Variants in NRXN3 observed in about 807,000 individuals in gnomAD.
NRXN3 encodes the protein neurexin III.
Under a neutral mutation model 137.6 loss-of-function variants are expected in NRXN3, and 32 were observed. The ratio of observed to expected loss-of-function variants is 0.23; its 90% CI spans 0.18 to 0.31. The LOEUF (loss-of-function observed/expected upper bound fraction) is 0.31. NRXN3 is among the 10% of genes least tolerant of loss of function. The pLI, the probability that NRXN3 is intolerant of heterozygous loss-of-function variation, is 1.00. For synonymous variants in NRXN3, 798 were observed against 784.5 expected (o/e 1.02, Z -0.29); for missense variants, 1,574 against 2,062.5 (o/e 0.76, Z 4.59).
intron 6 of NRXN3, among the ~76,000 whole-genome samples, chr14:78,680,166 G>A (rs938593684): frequency 3.9e-5 from 6 of 152,058 alleles, no homozygotes; most frequent in African/African-American, 1.4e-4. Context: ...ATTTATAAGT[G>A]GGAGCTAAAT....
chr14:79,014,797 T>G (rs2099576578), intron 15 of NRXN3, among the ~76,000 whole-genome samples: 1 of 152,172 alleles, frequency 6.6e-6, no homozygotes, highest in African/African-American at 2.4e-5. Context: ...GTTCCTTCAA[T>G]CTTTGAAGTT....
intron 4 of NRXN3, among the ~76,000 whole-genome samples, chr14:78,315,814 T>C (rs2078644473): frequency 6.6e-6 from 1 of 152,088 alleles, no homozygotes; most frequent in African/African-American, 2.4e-5. Flanking sequence ...GATAATTTTC[T>C]TGTTGCATTA....
At chr14:78,684,593 T>C (rs2098109139) in intron 6 of NRXN3, among the ~76,000 whole-genome samples, 1 of 151,716 alleles carries the variant, frequency 6.6e-6, no homozygotes, top group Non-Finnish European at 1.5e-5. Flanking sequence ...TCACTCAAGG[T>C]CAGGAGTTCA....
At chr14:79,208,542 C>G (rs2067139960) in intron 15 of NRXN3, among the ~76,000 whole-genome samples, 1 of 152,110 alleles carries the variant, frequency 6.6e-6, no homozygotes, top group Non-Finnish European at 1.5e-5. Flanking sequence ...TAATATTCAT[C>G]TAAACTTTTA....
chr14:78,436,857 A>C (rs534277491), intron 4 of NRXN3, among the ~76,000 whole-genome samples: 25 of 152,280 alleles, frequency 1.6e-4, no homozygotes, highest in African/African-American at 6.0e-4. Flanking sequence ...TTTAGCTCTT[A>C]TGTGCAGGGC....
In NRXN3 at chr14:79,489,240, T is replaced by C. The variant is rs75136437; in HGVS notation, c.3444+21838T>C. Among the ~76,000 whole-genome samples the C allele has an allele frequency of 5.0e-4, 76 of 152,276 alleles. 1 individual carries two copies. The highest frequency in any genetic ancestry group is 1.7e-3 in the African/African-American group (71 of 41,554). On this transcript the variant is annotated intron_variant, in intron 16 of 20. Transcript: ENST00000335750. ...CTTTACAGGTGTCTACACCTTTTTC[T>C]CTCCAAGGCATGTCTTCAGCCTCAG...
At chr14:78,976,340 T>A (rs2099466143) in intron 14 of NRXN3, among the ~76,000 whole-genome samples, 1 of 152,168 alleles carries the variant, frequency 6.6e-6, no homozygotes, top group African/African-American at 2.4e-5. Context: ...TCTGCCCAGA[T>A]GGTGAACACG....
rs79209644 is a variant in NRXN3, at chr14:78,942,227, T to C, written c.2276-15015T>C. On this transcript the variant is annotated intron_variant, in intron 10 of 20. Transcript: ENST00000335750. Reference sequence around the variant, plus strand: ...TTCAAACCTGCCAAGTACTTCACTTTCTTTCTCTCTACCAACCTGCTTCTT... The same window carrying C: ...TTCAAACCTGCCAAGTACTTCACTTCCTTTCTCTCTACCAACCTGCTTCTT... Among the ~76,000 whole-genome samples, 194 of 152,332 alleles carry C rather than the reference T, an allele frequency of 1.3e-3. 4 individuals carry two copies. The East Asian group carries it at 0.026, about 21-fold the overall frequency.
intron 4 of NRXN3, among the ~76,000 whole-genome samples, chr14:78,388,981 T>C (rs1427924040): frequency 6.6e-6 from 1 of 152,074 alleles, no homozygotes; most frequent in East Asian, 1.9e-4. Context: ...AGTACATAAA[T>C]CTTTGTTTTG....
chr14:78,904,624 CAGG>C (rs1339136372), intron 10 of NRXN3, among the ~76,000 whole-genome samples: 1 of 152,052 alleles, frequency 6.6e-6, no homozygotes, highest in Non-Finnish European at 1.5e-5. Flanking sequence ...TTTCAACTCT[CAGG>C]AGGCCATTTT....
At chr14:78,631,696 C>T (rs1180329412) in intron 4 of NRXN3, among the ~76,000 whole-genome samples, 1 of 152,132 alleles carries the variant, frequency 6.6e-6, no homozygotes, top group Non-Finnish European at 1.5e-5. Context: ...TTGCACAATC[C>T]CTGAGCATAT....
chr14:79,090,106 G>A (rs2048881143), intron 15 of NRXN3, among the ~76,000 whole-genome samples: 1 of 152,106 alleles, frequency 6.6e-6, no homozygotes, highest in African/African-American at 2.4e-5. Flanking sequence ...AGGACTGACT[G>A]TACTGTAACT....
At chr14:79,306,658 G>A (rs893397200) in intron 15 of NRXN3, among the ~76,000 whole-genome samples, 2 of 152,146 alleles carry the variant, frequency 1.3e-5, no homozygotes, top group South Asian at 4.1e-4. Context: ...GCTTTCTGAG[G>A]TCTCCAAGAT....
intron 4 of NRXN3, among the ~76,000 whole-genome samples, chr14:78,388,915 ATATT>A (rs1359152751): frequency 2.0e-5 from 3 of 151,968 alleles, no homozygotes; most frequent in Admixed American, 1.3e-4. Flanking sequence ...TTTTTTATAT[ATATT>A]CAACTTATTT....
At chr14:78,474,713 C>G (rs1396204145) in intron 4 of NRXN3, among the ~76,000 whole-genome samples, 3 of 152,144 alleles carry the variant, frequency 2.0e-5, no homozygotes, top group Non-Finnish European at 4.4e-5. Flanking sequence ...GTAGAAAGTT[C>G]CCTACCATAA....
At chr14:79,306,271 T>G (rs1031205034) in intron 15 of NRXN3, among the ~76,000 whole-genome samples, 1 of 152,086 alleles carries the variant, frequency 6.6e-6, no homozygotes, top group Non-Finnish European at 1.5e-5. Context: ...TCATTCCCCC[T>G]GAAGACAACG....
intron 19 of NRXN3, among the ~76,000 whole-genome samples, chr14:79,749,425 G>A (rs1245915449): frequency 1.6e-5 from 2 of 128,660 alleles, no homozygotes; most frequent in African/African-American, 5.6e-5. Flanking sequence ...CTGCTTCCAA[G>A]CTTCAGTGTT....
intron 16 of NRXN3, among the ~76,000 whole-genome samples, chr14:79,567,772 G>A (rs923244085): frequency 6.6e-6 from 1 of 152,082 alleles, no homozygotes; most frequent in African/African-American, 2.4e-5. Context: ...AACTGCGTGG[G>A]CTGGACTATG....
At chr14:79,519,196 G>A (rs1364077063) in intron 16 of NRXN3, among the ~76,000 whole-genome samples, 1 of 151,258 alleles carries the variant, frequency 6.6e-6, no homozygotes, top group Non-Finnish European at 1.5e-5. Context: ...TATCTCCCAA[G>A]TTTTCATATA....
Sources: gnomAD v4.1 joint callset for allele counts (sites outside exome capture counted in the v4.1 genomes callset) on GRCh38, gnomAD v4.1.1 for gene constraint, MANE v1.5 for transcripts, NCBI Gene and HGNC (gene_info 2026-07-23, HGNC 2026-07-21) for gene names.